Variants in TBC1D1 observed in about 807,000 individuals in gnomAD.
The protein encoded by TBC1D1 is TBC1 (tre-2/USP6, BUB2, cdc16) domain family, member 1.
In TBC1D1, 89 loss-of-function variants were observed where a neutral mutation model predicts 125.6. The observed-to-expected ratio is 0.71, with a 90% CI of 0.60 to 0.85. TBC1D1 has a LOEUF of 0.85. TBC1D1 is among the 40% of genes least tolerant of loss of function. The pLI is 0.00. For missense variants in TBC1D1, 1,377 were observed against 1,469.2 expected (o/e 0.94, Z 1.03); for synonymous variants, 565 against 564.1 (o/e 1.00, Z -0.02).
intron 2 of TBC1D1, among the ~76,000 whole-genome samples, chr4:37,947,809 C>T (rs1727020837): frequency 6.6e-6 from 1 of 151,448 alleles, no homozygotes; most frequent in Non-Finnish European, 1.5e-5. Flanking sequence ...TTGGGGGTGA[C>T]GGGAAGTGTT....
chr4:38,100,415 A>G (rs528017582), intron 14 of TBC1D1, among the ~76,000 whole-genome samples: 1 of 152,230 alleles, frequency 6.6e-6, no homozygotes, highest in East Asian at 1.9e-4. Context: ...GGTCACATTG[A>G]TTCCCCTTCT....
At chr4:37,955,842 T>C (rs1319606030) in intron 2 of TBC1D1, among the ~76,000 whole-genome samples, 3 of 152,126 alleles carry the variant, frequency 2.0e-5, no homozygotes, top group Non-Finnish European at 4.4e-5. Flanking sequence ...TAGATTATAA[T>C]ACATATTGTC....
rs182906606 is a variant in TBC1D1 at position 37,906,560 on chromosome 4, T to A, written c.417+4048T>A. 6.6e-4 allele frequency among the ~76,000 whole-genome samples: 100 copies of A among 152,332 alleles called. 1 individual carries two copies. The highest frequency in any genetic ancestry group is 2.8e-4 in the Non-Finnish European group (19 of 68,034). On this transcript the variant is annotated intron_variant, in intron 2 of 19. Coordinates refer to ENST00000261439, the MANE Select transcript of TBC1D1 (RefSeq NM_015173.4). ...ATTTCACCATTCTTCCACCCAAACT[T>A]CACCATAAGTTTGATGTTTCTTCTT...
chr4:38,000,662 A>G (rs1738862895), intron 2 of TBC1D1, among the ~76,000 whole-genome samples: 1 of 152,184 alleles, frequency 6.6e-6, no homozygotes, highest in African/African-American at 2.4e-5. Flanking sequence ...GATGTGTCAG[A>G]GTTTTCCCCA....
chr4:38,047,063 A>C (rs1450773428), intron 10 of TBC1D1, among the ~76,000 whole-genome samples: 1 of 152,266 alleles, frequency 6.6e-6, no homozygotes, highest in Non-Finnish European at 1.5e-5. Flanking sequence ...TTCACACACA[A>C]AATTAAAAGT....
intron 12 of TBC1D1, among the ~76,000 whole-genome samples, chr4:38,055,759 C>G (rs1560705579): frequency 6.6e-6 from 1 of 152,192 alleles, no homozygotes; most frequent in Admixed American, 6.5e-5. Flanking sequence ...CTTCCCCTGC[C>G]CCGTGGAGAG....
At chr4:37,943,270 T>G (rs901611676) in intron 2 of TBC1D1, among the ~76,000 whole-genome samples, 21 of 152,172 alleles carry the variant, frequency 1.4e-4, no homozygotes, top group Non-Finnish European at 2.6e-4. Flanking sequence ...CCCTTAACAT[T>G]TTTTCCTTCA....
In TBC1D1 at chr4:38,044,420, T is replaced by G. The variant is rs1230586026; in HGVS notation, c.1472T>G (p.Phe491Cys). ...GAATTACCACCCAGTGCCACTCGAT[T>G]TAGGCTAGATATGCTGAAAAACAAA... is the stretch of plus-strand genomic sequence containing the variant. The change falls in exon 9 of 20, where the codon TTT becomes TGT. Residue 491 changes from phenylalanine (F) to cysteine (C), a missense_variant. Phe to Cys is a radical substitution (Grantham distance 205). Transcript: ENST00000261439. 1.9e-5 allele frequency: 31 copies of G among 1,613,666 alleles called. No homozygotes were observed. Among genetic ancestry groups the G allele is most frequent in the Non-Finnish European group, 8.5e-7 (1 of 1,179,972 alleles).
chr4:37,963,363 A>G (rs1730415801), intron 2 of TBC1D1, among the ~76,000 whole-genome samples: 1 of 145,792 alleles, frequency 6.9e-6, no homozygotes, highest in Admixed American at 6.8e-5. Flanking sequence ...GGCCTCTCAC[A>G]TGGCAGAGCA....
At position 38,000,491 on chromosome 4, in the gene TBC1D1, C is replaced by T. The variant is rs1347707280; in HGVS notation, c.418-14018C>T. 6.6e-5 allele frequency among the ~76,000 whole-genome samples: 10 copies of T among 152,158 alleles called. 1 individual carries two copies. Among genetic ancestry groups the T allele is most frequent in the Admixed American group, 6.5e-4 (10 of 15,276 alleles). ...TCCAAAATGCTCTGATGAGCATTTC[C>T]TTTGAGTGTCATGTCGGTGCTCAAA... On this transcript the variant is annotated intron_variant, in intron 2 of 19. Transcript: ENST00000261439.
chr4:37,960,975 G>C, intron 2 of TBC1D1: 1 of 1,614,120 alleles, frequency 6.2e-7, no homozygotes, highest in Non-Finnish European at 8.5e-7. Flanking sequence ...TCTGTTTGCA[G>C]TCTCCTTCAA....
In TBC1D1 at chr4:37,931,950, A is replaced by G. The variant is rs1031299411; in HGVS notation, c.417+29438A>G. ...AATAAATTTCAAATTAATGAATTAG[A>G]TCTAAAACCCTTCTATTCTGTATCT... On this transcript the variant is annotated intron_variant, in intron 2 of 19. Transcript: ENST00000261439. 1.3e-5 allele frequency among the ~76,000 whole-genome samples: 2 copies of G among 152,194 alleles called. 1 individual carries two copies. Among genetic ancestry groups the G allele is most frequent in the African/African-American group, 4.8e-5 (2 of 41,452 alleles).
At chr4:37,941,873 A>G (rs1725643514) in intron 2 of TBC1D1, among the ~76,000 whole-genome samples, 2 of 152,242 alleles carry the variant, frequency 1.3e-5, no homozygotes, top group Admixed American at 6.5e-5. Context: ...GTTTGATTGC[A>G]CTGTGGTCAG....
At chr4:38,028,362 C>T (rs1490785258) in intron 7 of TBC1D1, among the ~76,000 whole-genome samples, 3 of 152,128 alleles carry the variant, frequency 2.0e-5, no homozygotes, top group African/African-American at 7.2e-5. Flanking sequence ...GACAGGCTTT[C>T]ACCATGTTGG....
intron 11 of TBC1D1, 53 bp downstream of exon 13, chr4:38,053,278 C>A: frequency 7.6e-7 from 1 of 1,312,328 alleles, no homozygotes. Context: ...TGTTGAATAT[C>A]ATTAGATATA....
Position 38,054,312 on chromosome 4 carries a change from C to G in TBC1D1, c.2024C>G (p.Ala675Gly), listed in dbSNP as rs773949558. 6.2e-7 allele frequency: 1 copy of G among 1,614,006 alleles called. No homozygotes were observed. The highest frequency in any genetic ancestry group is 1.3e-5 in the African/African-American group (1 of 74,906). The change falls in exon 12 of 20, where the codon GCG becomes GGG. Residue 675 changes from alanine to glycine, a missense_variant. Around this residue, in one of 3 missense-constraint regions of TBC1D1, gnomAD observed 543 missense variants for 613.5 expected, o/e 0.89. Transcript: ENST00000261439. ...CTCCGAGTAGCCACCCCGCAGAAGG[C>G]GTGCGATTCTTCCAGCAGATATGAA...
At position 37,953,645 on chromosome 4, in the gene TBC1D1, A is replaced by T. The variant is rs373143351; in HGVS notation, c.417+51133A>T. On this transcript the variant is annotated intron_variant, in intron 2 of 19. Transcript: ENST00000261439. ...AAAATGCAAATGGTTGATGAGTAGA[A>T]GAATTGACTAAGGTTGATGTGTAGA... 6.6e-5 allele frequency among the ~76,000 whole-genome samples: 10 copies of T among 152,350 alleles called. No homozygotes were observed. The East Asian group carries it at 1.9e-3, about 29-fold the overall frequency.
intron 12 of TBC1D1, among the ~76,000 whole-genome samples, chr4:38,077,673 T>C (rs933818): frequency 0.13 from 19,584 of 151,414 alleles, 1,765 homozygotes; most frequent in East Asian, 0.42. Flanking sequence ...TTGTCTGATT[T>C]TACATTAAAA....
rs1470770161 is a variant in TBC1D1, at chr4:38,137,431, T to C, written c.*96T>C. Reference sequence around the variant, plus strand: ...TGGAAGGAGAGAAGGAAGCGGGAAGTGTGCTTCTCAGGGAGGAAACCGGCT... The same window carrying C: ...TGGAAGGAGAGAAGGAAGCGGGAAGCGTGCTTCTCAGGGAGGAAACCGGCT... On this transcript the variant is annotated 3_prime_UTR_variant, in exon 20 of 20. Coordinates refer to ENST00000261439, the MANE Select transcript of TBC1D1 (RefSeq NM_015173.4). 2 of 1,336,226 alleles carry C rather than the reference T, an allele frequency of 1.5e-6. No homozygotes were observed. The highest frequency in any genetic ancestry group is 2.9e-5 in the African/African-American group (2 of 67,850). The allele number at this position is 1,336,226 out of a possible 1,614,324, so 82.8% of individuals were successfully genotyped here.
Sources: allele counts gnomAD v4.1 joint callset (sites outside exome capture counted in the v4.1 genomes callset), GRCh38; gene constraint gnomAD v4.1.1; regional missense constraint gnomAD v4.1.1; transcripts MANE v1.5; gene names NCBI Gene and HGNC (gene_info 2026-07-23, HGNC 2026-07-21).